The following INTS4 variants were observed in gnomAD, a reference collection of about 807,000 sequenced individuals.
INTS4 encodes MSTP093.
A neutral mutation model predicts 119.5 loss-of-function variants in INTS4; 70 were observed. The observed-to-expected ratio is 0.59, with a 90% CI of 0.48 to 0.71. The LOEUF (loss-of-function observed/expected upper bound fraction) is 0.71, where lower values mean the gene tolerates loss of function less well. Ranked by LOEUF, INTS4 falls within the 30% of genes least tolerant of loss-of-function variation. The probability of loss-of-function intolerance (pLI) is 0.00; values close to 1 mark genes in which losing one functional copy is unlikely to be tolerated. For missense variants in INTS4, 867 were observed against 1,173.2 expected (o/e 0.74, Z 3.81); for synonymous variants, 316 against 419.6 (o/e 0.75, Z 3.02).
chr11:77,879,185 A>G, intron 22 of INTS4, 58 bp from the exon 23 acceptor site: 1 of 1,577,954 alleles, frequency 6.3e-7, no homozygotes, highest in Non-Finnish European at 8.7e-7. Flanking sequence ...AATGAGGATG[A>G]AATGTGAAGT....
chr11:77,933,387 T>C (rs578249766), intron 10 of INTS4, among the ~76,000 whole-genome samples: 2 of 18,720 alleles, frequency 1.1e-4, no homozygotes, highest in Admixed American at 7.0e-4. Context: ...CACGTCTGAC[T>C]GGTTTTCGTA....
At chr11:77,905,423 G>C (rs1164056091) in intron 16 of INTS4, among the ~76,000 whole-genome samples, 3 of 151,074 alleles carry the variant, frequency 2.0e-5, no homozygotes, top group African/African-American at 7.3e-5. Context: ...TCACGCCACT[G>C]TATTCAGCCT....
intron 4 of INTS4, among the ~76,000 whole-genome samples, chr11:77,976,493 G>A (rs1250975912): frequency 6.6e-6 from 1 of 152,156 alleles, no homozygotes; most frequent in Non-Finnish European, 1.5e-5. Context: ...GACCAGCCTA[G>A]GCAACACAAT....
At chr11:77,969,616 T>C (rs1855634048) in intron 4 of INTS4, among the ~76,000 whole-genome samples, 1 of 152,070 alleles carries the variant, frequency 6.6e-6, no homozygotes, top group African/African-American at 2.4e-5. Flanking sequence ...TCAAGCGAGC[T>C]TCCCACCTTG....
At chr11:77,878,448 G>A (rs1951668139), downstream of INTS4, among the ~76,000 whole-genome samples, 1 of 152,046 alleles carries the variant, frequency 6.6e-6, no homozygotes, top group South Asian at 2.1e-4. Flanking sequence ...CTGCATTAGG[G>A]AAGAGGCTTC....
chr11:77,939,917 T>C (rs996609498), intron 9 of INTS4, among the ~76,000 whole-genome samples: 19 of 152,038 alleles, frequency 1.2e-4, no homozygotes, highest in Non-Finnish European at 2.5e-4. Context: ...GAGAGACATA[T>C]ACCAAAATCA....
chr11:77,960,853 T>G, intron 5 of INTS4, 100 bp downstream of exon 5: 1 of 1,060,822 alleles, frequency 9.4e-7, no homozygotes, highest in South Asian at 1.8e-5. Flanking sequence ...CCTGAAAGTA[T>G]ATGCTGAAGA....
intron 4 of INTS4, among the ~76,000 whole-genome samples, chr11:77,963,860 A>G (rs777643207): frequency 6.6e-6 from 1 of 152,074 alleles, no homozygotes; most frequent in Non-Finnish European, 1.5e-5. Flanking sequence ...AATTTTTAAA[A>G]TTTTTGTAGA....
chr11:77,949,465 T>G (rs192227398), intron 8 of INTS4, among the ~76,000 whole-genome samples: 33 of 140,666 alleles, frequency 2.3e-4, no homozygotes, highest in African/African-American at 8.0e-4. Context: ...TTGCAATCTA[T>G]CCATCTGCCA....
intron 22 of INTS4, among the ~76,000 whole-genome samples, chr11:77,881,150 A>T (rs611906): frequency 0.38 from 57,947 of 152,042 alleles, 11,511 homozygotes; most frequent in African/African-American, 0.47. Flanking sequence ...GGATAACTCA[A>T]GCAACTTCTG....
chr11:77,944,533 T>C (rs1390000849), intron 8 of INTS4, among the ~76,000 whole-genome samples: 5 of 152,242 alleles, frequency 3.3e-5, no homozygotes, highest in African/African-American at 7.2e-5. Flanking sequence ...TGCTCTTTCC[T>C]ACCAGTACCA....
intron 21 of INTS4, among the ~76,000 whole-genome samples, chr11:77,886,543 C>A (rs1178122092): frequency 6.6e-6 from 1 of 152,196 alleles, no homozygotes; most frequent in African/African-American, 2.4e-5. Flanking sequence ...CTATGACTCT[C>A]TTAAGGTAGC....
At chr11:77,955,040 T>C (rs1202637929) in intron 8 of INTS4, among the ~76,000 whole-genome samples, 1 of 147,734 alleles carries the variant, frequency 6.8e-6, no homozygotes, top group Non-Finnish European at 1.5e-5. Flanking sequence ...TATTTCTTTC[T>C]ATATTAAGAA....
chr11:77,987,730 C>T (rs1003670883), intron 2 of INTS4: 12 of 428,520 alleles, frequency 2.8e-5, no homozygotes, highest in South Asian at 4.9e-5. Context: ...AAAAATTAGC[C>T]GGGAGTGGTG....
chr11:77,970,958 C>G (rs1036513925), intron 4 of INTS4, among the ~76,000 whole-genome samples: 1 of 152,050 alleles, frequency 6.6e-6, no homozygotes, highest in African/African-American at 2.4e-5. Context: ...CAGGCGCCCA[C>G]CACCATGCCT....
intron 2 of INTS4, among the ~76,000 whole-genome samples, chr11:77,989,546 A>G (rs1184630961): frequency 3.3e-5 from 5 of 152,160 alleles, no homozygotes; most frequent in Non-Finnish European, 7.4e-5. Context: ...AATTCTAGGA[A>G]TGGATATTTG....
intron 1 of INTS4, among the ~76,000 whole-genome samples, chr11:77,992,710 G>T (rs1386616838): frequency 6.6e-6 from 1 of 152,190 alleles, no homozygotes; most frequent in Non-Finnish European, 1.5e-5. Context: ...GGAGTCAGAG[G>T]AATTTGTATT....
chr11:77,960,705 G>A (rs893178444), intron 5 of INTS4, among the ~76,000 whole-genome samples: 9 of 151,976 alleles, frequency 5.9e-5, no homozygotes, highest in Non-Finnish European at 2.9e-5. Context: ...CCTCCAAGTC[G>A]AAGGAATTAT....
intron 13 of INTS4, 38 bp from the exon 14 acceptor site, chr11:77,921,511 A>G: frequency 6.6e-7 from 1 of 1,519,918 alleles, no homozygotes; most frequent in South Asian, 1.1e-5. Context: ...TGGAAGTATA[A>G]AAGGTTGGCC....
Sources: allele counts gnomAD v4.1 joint callset (sites outside exome capture counted in the v4.1 genomes callset), GRCh38; gene constraint gnomAD v4.1.1; transcripts MANE v1.5; gene names NCBI Gene and HGNC (gene_info 2026-07-23, HGNC 2026-07-21).